FAM124B: variants seen among roughly 807,000 people sequenced by gnomAD.
FAM124B encodes the protein protein FAM124B.
FAM124B carries 18 observed loss-of-function variants against 19.7 expected under a neutral mutation model. The observed-to-expected ratio is 0.92, with a 90% CI of 0.63 to 1.36. The LOEUF is 1.36. Ranked by LOEUF, FAM124B falls within the 40% of genes most tolerant of loss-of-function variation. The pLI is 0.00. For missense variants in FAM124B, 540 were observed against 553.3 expected (o/e 0.98, Z 0.24); for synonymous variants, 223 against 225.2 (o/e 0.99, Z 0.09).
chr2:224,386,429 G>A (rs1689801049), intron 1 of FAM124B, among the ~76,000 whole-genome samples: 1 of 152,110 alleles, frequency 6.6e-6, no homozygotes, highest in South Asian at 2.1e-4. Context: ...TTAGCAGTAG[G>A]ATTTTAGACC....
chr2:224,387,324 A>G (rs1025149994), intron 1 of FAM124B, among the ~76,000 whole-genome samples: 10 of 152,254 alleles, frequency 6.6e-5, no homozygotes, highest in Admixed American at 6.5e-4. Context: ...TTGAAAATCA[A>G]GTGAAAATAT....
chr2:224,400,529 T>C (rs976566658), intron 1 of FAM124B: 5 of 686,212 alleles, frequency 7.3e-6, no homozygotes, highest in Non-Finnish European at 1.3e-5. Flanking sequence ...AAATTAAAAA[T>C]TAAAAAAACC....
intron 1 of FAM124B, 122 bp downstream of exon 1, chr2:224,400,915 T>C: frequency 7.6e-7 from 1 of 1,317,296 alleles, no homozygotes; most frequent in Non-Finnish European, 1.0e-6. Flanking sequence ...TGGGAATTTA[T>C]GAAAGACCCT....
intron 1 of FAM124B, among the ~76,000 whole-genome samples, chr2:224,395,240 A>G (rs975314204): frequency 1.3e-5 from 2 of 152,152 alleles, no homozygotes; most frequent in Admixed American, 1.3e-4. Flanking sequence ...AGGGGAGAAG[A>G]GCCATAATGC....
At chr2:224,390,996 C>T (rs1275534632) in intron 1 of FAM124B, among the ~76,000 whole-genome samples, 3 of 150,606 alleles carry the variant, frequency 2.0e-5, no homozygotes, top group Non-Finnish European at 3.0e-5. Flanking sequence ...AGCCACCGCG[C>T]CCGGCCAACA....
intron 1 of FAM124B, chr2:224,400,589 G>T: frequency 1.6e-6 from 1 of 640,246 alleles, no homozygotes; most frequent in Non-Finnish European, 2.8e-6. Flanking sequence ...GATTAGAAGA[G>T]CTTGTGACAT....
intron 1 of FAM124B, chr2:224,400,543 T>C (rs1307878961): frequency 2.9e-6 from 2 of 684,316 alleles, no homozygotes; most frequent in East Asian, 5.4e-5. Context: ...AAAAACCATA[T>C]CTAAACATAA....
chr2:224,391,130 C>G (rs144527132), intron 1 of FAM124B, among the ~76,000 whole-genome samples: 4,371 of 150,704 alleles, frequency 0.029, 193 homozygotes, highest in African/African-American at 0.099. Context: ...ATCACGAGGT[C>G]AGGAGTTTGA....
At chr2:224,380,917 C>G (rs1049065659) in intron 1 of FAM124B, among the ~76,000 whole-genome samples, 3 of 152,210 alleles carry the variant, frequency 2.0e-5, no homozygotes, top group Non-Finnish European at 4.4e-5. Context: ...AAAACCCTCA[C>G]CCTGCAGTTG....
At chr2:224,396,163 C>A (rs144108979) in intron 1 of FAM124B, among the ~76,000 whole-genome samples, 3 of 152,186 alleles carry the variant, frequency 2.0e-5, no homozygotes, top group Admixed American at 2.0e-4. Flanking sequence ...TGGCTGACCA[C>A]ATTCCCACTG....
At chr2:224,384,287 A>G (rs1044600094) in intron 1 of FAM124B, among the ~76,000 whole-genome samples, 12 of 152,106 alleles carry the variant, frequency 7.9e-5, no homozygotes, top group Non-Finnish European at 1.5e-5. Context: ...GCTCTTCAAC[A>G]TCAACACTCC....
At chr2:224,390,238 A>G (rs1277519949) in intron 1 of FAM124B, among the ~76,000 whole-genome samples, 1 of 152,034 alleles carries the variant, frequency 6.6e-6, no homozygotes, top group Non-Finnish European at 1.5e-5. Context: ...GAGGATTTCA[A>G]GAAGGCAGGA....
intron 1 of FAM124B, among the ~76,000 whole-genome samples, chr2:224,386,735 C>T (rs1195367237): frequency 6.6e-6 from 1 of 152,116 alleles, no homozygotes; most frequent in African/African-American, 2.4e-5. Flanking sequence ...TGTCCAGTGC[C>T]TAGCACAGTG....
In FAM124B at chr2:224,401,536, C is replaced by T; in HGVS notation, c.233G>A (p.Gly78Glu). Reference sequence around the variant, plus strand: ...CAGGACGCGAAATAGCCTATCCTCTCCCGGGCTTTCGTGCAGGAAGAGCAA... The same window carrying T: ...CAGGACGCGAAATAGCCTATCCTCTTCCGGGCTTTCGTGCAGGAAGAGCAA... ...SVLLFLHESP[G>E]EDRLFRVLDS... Residue 78 changes from glycine to glutamate, a missense_variant, in exon 1 of 2, where the codon GGA becomes GAA. By Grantham distance (98) the Gly-to-Glu change is moderately conservative (BLOSUM62 -2). Coordinates refer to ENST00000409685, the MANE Select transcript of FAM124B (RefSeq NM_001122779.2). 1.9e-6 allele frequency: 3 copies of T among 1,614,148 alleles called. No homozygotes were observed. The highest frequency in any genetic ancestry group is 1.7e-6 in the Non-Finnish European group (2 of 1,180,014).
rs1386553518 is a variant in FAM124B, at chr2:224,380,124, A to G, written c.817T>C (p.Ser273Pro). The G allele has an allele frequency of 6.4e-7, 1 of 1,551,684 alleles. No homozygotes were observed. Among genetic ancestry groups the G allele is most frequent in the South Asian group, 1.2e-5 (1 of 84,060 alleles). ...LPLGSRLTSV[S>P]AKRTSEPRSQ... Reference sequence around the variant, plus strand: ...CTGGGTTCTGAGGTCCTCTTTGCAGAGACAGAAGTCAGCCTGGAGCCCAGG... The same window carrying G: ...CTGGGTTCTGAGGTCCTCTTTGCAGGGACAGAAGTCAGCCTGGAGCCCAGG... Residue 273 changes from serine (S) to proline (P), a missense_variant, in exon 2 of 2, where the codon TCT (serine) becomes CCT (proline). Physicochemically the swap from Ser to Pro is moderately conservative, Grantham distance 74. Transcript: ENST00000409685.
intron 1 of FAM124B, among the ~76,000 whole-genome samples, chr2:224,385,190 G>A (rs1014734358): frequency 6.6e-6 from 1 of 152,096 alleles, no homozygotes; most frequent in African/African-American, 2.4e-5. Flanking sequence ...CACCACGCTG[G>A]TAATTCCCTC....
At chr2:224,383,292 C>T (rs1480886504) in intron 1 of FAM124B, among the ~76,000 whole-genome samples, 1 of 152,146 alleles carries the variant, frequency 6.6e-6, no homozygotes, top group Non-Finnish European at 1.5e-5. Context: ...AGCTAGGCTT[C>T]GAGTAGTCAG....
chr2:224,392,783 A>G (rs1356351783), intron 1 of FAM124B, among the ~76,000 whole-genome samples: 1 of 149,986 alleles, frequency 6.7e-6, no homozygotes. Context: ...ATGAGATAAG[A>G]GATAAAGTTT....
intron 1 of FAM124B, chr2:224,400,455 A>G: frequency 1.4e-6 from 1 of 698,058 alleles, no homozygotes; most frequent in Non-Finnish European, 2.6e-6. Flanking sequence ...TCAGGGAGCT[A>G]TGATGGCACC....
Sources: gnomAD v4.1 joint callset for allele counts (sites outside exome capture counted in the v4.1 genomes callset) on GRCh38, gnomAD v4.1.1 for gene constraint, MANE v1.5 for transcripts, NCBI Gene and HGNC (gene_info 2026-07-23, HGNC 2026-07-21) for gene names.